IGF1R: variants seen among roughly 807,000 people sequenced by gnomAD.
IGF1R encodes insulin-like growth factor 1 receptor.
A neutral mutation model predicts 144.6 loss-of-function variants in IGF1R; 44 were observed. The ratio of observed to expected loss-of-function variants is 0.30; its 90% confidence interval spans 0.24 to 0.39. IGF1R has a LOEUF of 0.39. IGF1R is among the 10% of genes least tolerant of loss of function. The pLI is 1.00. For synonymous variants in IGF1R, 795 were observed against 722.8 expected, an observed-to-expected ratio of 1.10 and a Z score of -1.60; for missense variants, 1,355 against 1,833.7, an observed-to-expected ratio of 0.74 and a Z score of 4.77.
At chr15:98,699,463 G>A (rs2053673564) in intron 1 of IGF1R, among the ~76,000 whole-genome samples, 1 of 152,198 alleles carries the variant, frequency 6.6e-6, no homozygotes, top group African/African-American at 2.4e-5. Flanking sequence ...ATTGGGCTTT[G>A]GGATATTTTA....
chr15:98,755,718 CAAAAAAAAAAAAAAAAAAA>C (rs56121011), intron 2 of IGF1R, among the ~76,000 whole-genome samples: 20 of 34,502 alleles, frequency 5.8e-4, no homozygotes, highest in South Asian at 3.0e-3. Context: ...AACTCCATTG[CAAAAAAAAAAAAAAAAAAA>C]AAAAAAAAAA....
intron 3 of IGF1R, among the ~76,000 whole-genome samples, chr15:98,895,752 A>G (rs117529454): frequency 0.014 from 2,082 of 152,398 alleles, 22 homozygotes; most frequent in Middle Eastern, 0.027. Flanking sequence ...AAAAAGAGCT[A>G]TAATTTACAT....
intron 1 of IGF1R, among the ~76,000 whole-genome samples, chr15:98,684,661 T>C (rs2053278817): frequency 6.6e-6 from 1 of 152,142 alleles, no homozygotes; most frequent in East Asian, 1.9e-4. Context: ...CCTTCCTTTT[T>C]AAATGGAGCA....
chr15:98,702,902 A>C (rs1375463031), intron 1 of IGF1R, among the ~76,000 whole-genome samples: 2 of 152,182 alleles, frequency 1.3e-5, no homozygotes, highest in Non-Finnish European at 2.9e-5. Context: ...GTGCTGCAGC[A>C]CTCTAGCCTG....
At chr15:98,788,393 A>G (rs1426068161) in intron 2 of IGF1R, among the ~76,000 whole-genome samples, 1 of 152,182 alleles carries the variant, frequency 6.6e-6, no homozygotes, top group Non-Finnish European at 1.5e-5. Context: ...GACCAGTGGA[A>G]GGTCAAAGGG....
chr15:98,964,203 TAAAAAAAAATTTTTTTAAGTAA>T lies in IGF1R; in HGVS notation c.*6762_*6783del. On this transcript the variant is annotated 3_prime_UTR_variant, in exon 21 of 21. Transcript: ENST00000650285. ...TAATGCATTTTCTGAGTTTTCTTGT[TAAAAAAAAATTTTTTTAAGTAA>T]GAAAAAAAAAGGTAATAACATGGCC... is the stretch of plus-strand genomic sequence containing the variant. 4.3e-6 allele frequency: 1 copy of T among 231,498 alleles called. No individual in the cohort carries two copies. The highest frequency in any genetic ancestry group is 6.1e-5 in the East Asian group (1 of 16,296). The allele number at this position is 231,498 out of a possible 1,614,324, so 14.3% of individuals were successfully genotyped here. A position where few individuals can be genotyped will look rare whatever the true frequency, so the allele number is the denominator to read the frequency against.
chr15:98,738,617 T>G (rs1016762668), intron 2 of IGF1R, among the ~76,000 whole-genome samples: 3 of 152,044 alleles, frequency 2.0e-5, no homozygotes, highest in African/African-American at 7.2e-5. Flanking sequence ...AGGCTCAGAT[T>G]CCCCCCCATT....
rs747807003 is a variant in IGF1R, at chr15:98,707,184, C to T, written c.95-378C>T. Among the ~76,000 whole-genome samples, 2 of 152,204 alleles carry T rather than the reference C, an allele frequency of 1.3e-5. No individual in the cohort carries two copies. Among genetic ancestry groups the T allele is most frequent in the Non-Finnish European group, 2.9e-5 (2 of 68,032 alleles). ...CTGTCGTTCAGGCCTTGGCAACTGA[C>T]GCTCTGCAGAACGGACCAGGAGTGT... On this transcript the variant is annotated intron_variant, in intron 1 of 20. Coordinates refer to ENST00000650285, the MANE Select transcript of IGF1R (RefSeq NM_000875.5). This position sits in a 1 kb window ranked among gnomAD's most constrained non-coding sequence, Gnocchi z 6.7.
chr15:98,717,749 A>C (rs1420182818), intron 2 of IGF1R, among the ~76,000 whole-genome samples: 1 of 152,240 alleles, frequency 6.6e-6, no homozygotes, highest in Non-Finnish European at 1.5e-5. Flanking sequence ...ACATTAAATC[A>C]TTAAATACCA....
At chr15:98,948,962 C>T (rs150397190) in intron 20 of IGF1R, among the ~76,000 whole-genome samples, 5 of 152,354 alleles carry the variant, frequency 3.3e-5, no homozygotes, top group African/African-American at 1.2e-4. Flanking sequence ...ACTGTAGTTT[C>T]TCAGGCCAAA....
In IGF1R at chr15:98,963,172, C is replaced by CT. The variant is rs112539877; in HGVS notation, c.*5739dup. The CT allele has an allele frequency of 9.6e-3, 2,125 of 222,242 alleles. 39 individuals are homozygous for CT. The highest frequency in any genetic ancestry group is 0.042 in the African/African-American group (1,819 of 43,164). The allele number at this position is 222,242 out of a possible 1,614,324, so 13.8% of individuals were successfully genotyped here. ...AATTGCCGAAAATAATTTAAAGACA[C>CT]TTTTTTTTTCTCTGTGTGTGCAAAT... On this transcript the variant is annotated 3_prime_UTR_variant, in exon 21 of 21. Coordinates refer to ENST00000650285, the MANE Select transcript of IGF1R (RefSeq NM_000875.5).
chr15:98,916,375 C>T (rs139103356), intron 9 of IGF1R: 3 of 550,590 alleles, frequency 5.4e-6, no homozygotes, highest in East Asian at 3.3e-5. Flanking sequence ...ATTTCTCATT[C>T]CCCAGCATTC....
At chr15:98,693,386 C>G (rs779142233) in intron 1 of IGF1R, among the ~76,000 whole-genome samples, 12 of 152,172 alleles carry the variant, frequency 7.9e-5, no homozygotes, top group Non-Finnish European at 4.4e-5. Context: ...GAGCTTTGTT[C>G]TACAGCAGGT....
At chr15:98,781,560 G>T (rs8035577) in intron 2 of IGF1R, among the ~76,000 whole-genome samples, 1 of 152,160 alleles carries the variant, frequency 6.6e-6, no homozygotes. Context: ...TTGTAAAGTA[G>T]TAAGTACTTG....
At position 98,933,393 on chromosome 15, in the gene IGF1R, G is replaced by C. The variant is rs936867329; in HGVS notation, c.2957-1431G>C. 3.9e-5 allele frequency among the ~76,000 whole-genome samples: 6 copies of C among 152,006 alleles called. No homozygotes were observed. The South Asian group carries it at 1.2e-3, about 32-fold the overall frequency. On this transcript the variant is annotated intron_variant, in intron 15 of 20. Coordinates refer to ENST00000650285, the MANE Select transcript of IGF1R (RefSeq NM_000875.5). ...GGTTCTCACTCTGTTGCCCAGGCTG[G>C]AGTGCAGTGGTGCAGTCTCAGCTCC...
intron 1 of IGF1R, among the ~76,000 whole-genome samples, chr15:98,695,757 C>T (rs73473464): frequency 2.0e-5 from 3 of 152,282 alleles, no homozygotes; most frequent in East Asian, 1.9e-4. Context: ...CAGTCCCTCA[C>T]CCTGTGTTGA....
At chr15:98,923,095 C>T (rs536747002) in intron 11 of IGF1R, among the ~76,000 whole-genome samples, 10 of 152,314 alleles carry the variant, frequency 6.6e-5, no homozygotes, top group African/African-American at 1.9e-4. Flanking sequence ...TTGAGGCAGT[C>T]GTCAGGCTCC....
chr15:98,919,173 G>A (rs1378917656), intron 10 of IGF1R, among the ~76,000 whole-genome samples: 2 of 152,166 alleles, frequency 1.3e-5, no homozygotes, highest in East Asian at 3.9e-4. Flanking sequence ...ATCCGTTTGG[G>A]ACCTGGTCCT....
Position 98,963,645 on chromosome 15 carries a change from C to G in IGF1R, c.*6203C>G. The G allele has an allele frequency of 4.3e-6, 1 of 233,302 alleles. No homozygotes were observed. Among genetic ancestry groups the G allele is most frequent in the Non-Finnish European group, 8.5e-6 (1 of 118,034 alleles). The allele number at this position is 233,302 out of a possible 1,614,324, so 14.5% of individuals were successfully genotyped here. On this transcript the variant is annotated 3_prime_UTR_variant, in exon 21 of 21. Coordinates refer to ENST00000650285, the MANE Select transcript of IGF1R (RefSeq NM_000875.5). The stretch of plus-strand genomic sequence containing the variant: ...GTTTTCATGATGATTACAGCATACA[C>G]AGTGATCACATAAACGATGACAGCT...
Sources: allele counts gnomAD v4.1 joint callset (sites outside exome capture counted in the v4.1 genomes callset), GRCh38; gene constraint gnomAD v4.1.1; non-coding constraint Gnocchi (gnomAD v3.1); transcripts MANE v1.5; gene names NCBI Gene and HGNC (gene_info 2026-07-23, HGNC 2026-07-21).